Variants in RUNDC3A observed in about 807,000 individuals in gnomAD.
RUNDC3A encodes the protein RUN domain containing 3A.
Under a neutral mutation model 53.9 loss-of-function variants are expected in RUNDC3A, and 28 were observed. That is an observed-to-expected ratio of 0.52 (90% CI 0.38 to 0.71). The LOEUF is 0.71. RUNDC3A is among the 30% of genes least tolerant of loss of function. RUNDC3A has a pLI of 0.00. For synonymous variants in RUNDC3A, 232 were observed against 249.4 expected, an observed-to-expected ratio of 0.93 and a Z score of 0.66; for missense variants, 491 against 597.3, an observed-to-expected ratio of 0.82 and a Z score of 1.85.
intron 1 of RUNDC3A, 62 bp downstream of exon 1, chr17:44,309,001 G>A: frequency 8.3e-7 from 1 of 1,199,134 alleles, no homozygotes; most frequent in Non-Finnish European, 1.2e-6. Flanking sequence ...GTGGACTGCG[G>A]AAACCCGGAC....
Position 44,315,498 on chromosome 17 carries a change from A to G in RUNDC3A, c.842A>G (p.Asp281Gly). The change falls in exon 8 of 11, where the codon GAC (aspartate) becomes GGC (glycine). Residue 281 changes from aspartate to glycine, a missense_variant. Asp to Gly is a moderately conservative substitution (Grantham distance 94). Coordinates refer to ENST00000426726, the MANE Select transcript of RUNDC3A (RefSeq NM_001144825.2). The surrounding 1 kb of genome is among the most constrained non-coding windows in gnomAD (Gnocchi z 6.1). ...LVRLRESQLK[D>G]LEAENRRLQL... ...CGTCTGCGCGAGTCGCAGCTGAAGG[A>G]CCTGGAGGCGGAGAACCGGCGGCTT... is the stretch of plus-strand genomic sequence containing the variant. 6.6e-7 allele frequency: 1 copy of G among 1,517,294 alleles called. No individual in the cohort carries two copies. 94.0% of individuals were successfully genotyped at this position (1,517,294 alleles called of 1,614,324 possible).
chr17:44,311,112 AG>A (rs375190099), intron 1 of RUNDC3A: 2 of 985,614 alleles, frequency 2.0e-6, no homozygotes, highest in African/African-American at 1.7e-5. Context: ...TGAATCCAGC[AG>A]GCTGCCTCCC....
chr17:44,312,619 G>A lies in RUNDC3A; in HGVS notation c.147G>A (p.Glu49=), dbSNP rs769884244. Residue 49 remains glutamate (E), a synonymous_variant, in exon 2 of 11, where the codon GAG becomes GAA. Transcript: ENST00000426726. Reference sequence around the variant, plus strand: ...CGCTGCTGGAGAAGTACACAGCGGAGCCCATCGATGACTCATCGGAGGAGT... The same window carrying A: ...CGCTGCTGGAGAAGTACACAGCGGAACCCATCGATGACTCATCGGAGGAGT... ...VKTLLEKYTA[E]PIDDSSEEFV... 91 of 1,583,636 alleles carry A rather than the reference G, an allele frequency of 5.7e-5. No homozygotes were observed. The highest frequency in any genetic ancestry group is 7.5e-5 in the Non-Finnish European group (87 of 1,165,308).
chr17:44,308,963 G>T (rs771021793), intron 1 of RUNDC3A, 24 bp downstream of exon 1: 2 of 1,544,642 alleles, frequency 1.3e-6, no homozygotes, highest in South Asian at 2.3e-5. Flanking sequence ...GTGGGCGGGG[G>T]CTGGGGTGGT....
rs868065055 is a variant in RUNDC3A at position 44,315,180 on chromosome 17, G to A, written c.655G>A (p.Glu219Lys). The A allele has an allele frequency of 6.4e-7, 1 of 1,564,278 alleles. No homozygotes were observed. Among genetic ancestry groups the A allele is most frequent in the Non-Finnish European group, 8.7e-7 (1 of 1,154,214 alleles). ...QSYDYLTDEEERHSAESSTSE... is the reference protein window; with the variant it reads ...QSYDYLTDEEKRHSAESSTSE... ...CTACGACTACCTGACGGACGAGGAGGAGCGGCACAGCGCCGAGAGCAGCAC... is the reference window on the plus strand; with the variant it reads ...CTACGACTACCTGACGGACGAGGAGAAGCGGCACAGCGCCGAGAGCAGCAC... Residue 219 changes from glutamate (E) to lysine (K), a missense_variant, in exon 7 of 11, where the codon GAG (glutamate) becomes AAG (lysine). Physicochemically the swap from Glu to Lys is moderately conservative, Grantham distance 56 (BLOSUM62 1). Around this residue, in one of 2 missense-constraint regions of RUNDC3A, gnomAD observed 273 missense variants for 389.0 expected, o/e 0.70. Coordinates refer to ENST00000426726, the MANE Select transcript of RUNDC3A (RefSeq NM_001144825.2). This position sits in a 1 kb window ranked among gnomAD's most constrained non-coding sequence, Gnocchi z 6.1.
chr17:44,313,543 T>A, intron 4 of RUNDC3A, 40 bp downstream of exon 4: 1 of 1,587,398 alleles, frequency 6.3e-7, no homozygotes, highest in Non-Finnish European at 8.6e-7. Context: ...GGTCTCAGAG[T>A]GCACCTGCAT....
rs1429583820 is a variant in RUNDC3A, at chr17:44,312,772, C to T, written c.223+77C>T. 7.8e-6 allele frequency: 5 copies of T among 640,118 alleles called. No homozygotes were observed. The South Asian group carries it at 9.4e-5, about 12-fold the overall frequency. 39.7% of individuals were successfully genotyped at this position (640,118 alleles called of 1,614,324 possible). The stretch of plus-strand genomic sequence containing the variant: ...AGTGGTCCCTCCCCCAGCGCCCCTC[C>T]CCCAGCGGTCCCTCCCCAACTCCCA... On this transcript the variant is annotated intron_variant, in intron 2 of 10. Transcript: ENST00000426726.
intron 1 of RUNDC3A, among the ~76,000 whole-genome samples, chr17:44,310,516 G>C (rs1428494944): frequency 6.6e-6 from 1 of 152,162 alleles, no homozygotes; most frequent in Non-Finnish European, 1.5e-5. Flanking sequence ...GAGCTGGGAG[G>C]GAAGGATAGA....
In RUNDC3A at chr17:44,318,283, A is replaced by G. The variant is rs1230707626; in HGVS notation, c.*45A>G. The G allele has an allele frequency of 1.3e-6, 2 of 1,524,872 alleles. No individual in the cohort carries two copies. Among genetic ancestry groups the G allele is most frequent in the South Asian group, 2.4e-5 (2 of 83,428 alleles). The allele number at this position is 1,524,872 out of a possible 1,614,324, so 94.5% of individuals were successfully genotyped here. A position where few individuals can be genotyped will look rare whatever the true frequency, so the allele number is the denominator to read the frequency against. ...CAGCCCCACCTGCCAGGGGCCATGG[A>G]CACCTGCCACCTTTCTTCAACAAGA... On this transcript the variant is annotated 3_prime_UTR_variant, in exon 11 of 11. Coordinates refer to ENST00000426726, the MANE Select transcript of RUNDC3A (RefSeq NM_001144825.2).
intron 10 of RUNDC3A, 100 bp downstream of exon 10, chr17:44,316,825 T>A: frequency 1.6e-6 from 1 of 617,800 alleles, no homozygotes; most frequent in Non-Finnish European, 2.5e-6. Context: ...TTAGTCTTTT[T>A]TTTTTTTTTT....
chr17:44,317,728 G>T lies in RUNDC3A; in HGVS notation c.1199-368G>T. The T allele has an allele frequency of 4.9e-6, 3 of 616,864 alleles. No individual in the cohort carries two copies. In the South Asian group the frequency reaches 5.7e-5, roughly 12 times the overall value. 38.2% of individuals were successfully genotyped at this position (616,864 alleles called of 1,614,324 possible). A position where few individuals can be genotyped will look rare whatever the true frequency, so the allele number is the denominator to read the frequency against. ...CATCACACTGTGTTTGTGATTGTCTGTGTGTCTGTCTCCCCCACCAGACTG... is the reference window on the plus strand; with the variant it reads ...CATCACACTGTGTTTGTGATTGTCTTTGTGTCTGTCTCCCCCACCAGACTG... On this transcript the variant is annotated intron_variant, in intron 10 of 10. Coordinates refer to ENST00000426726, the MANE Select transcript of RUNDC3A (RefSeq NM_001144825.2).
At chr17:44,309,014 A>C in intron 1 of RUNDC3A, 75 bp downstream of exon 1, 2 of 1,018,330 alleles carry the variant, frequency 2.0e-6, no homozygotes, top group Middle Eastern at 2.3e-4. Context: ...ACCCGGACTG[A>C]GCGCTGCCGC....
At position 44,311,046 on chromosome 17, in the gene RUNDC3A, A is replaced by C; in HGVS notation, c.108-1534A>C. The stretch of plus-strand genomic sequence containing the variant: ...CGATTGTTCCCATTTGCATTTGACA[A>C]GAAGGGACTCACAGAGGGGCCCAAG... On this transcript the variant is annotated intron_variant, in intron 1 of 10. Transcript: ENST00000426726. 4.1e-6 allele frequency: 4 copies of C among 985,406 alleles called. No homozygotes were observed. In the South Asian group the frequency reaches 1.9e-4, roughly 46 times the overall value. 61.0% of individuals were successfully genotyped at this position (985,406 alleles called of 1,614,324 possible). A position where few individuals can be genotyped will look rare whatever the true frequency, so the allele number is the denominator to read the frequency against.
rs1415338847 is a variant in RUNDC3A at position 44,312,571 on chromosome 17, G to T, written c.108-9G>T. 2 of 1,532,774 alleles carry T rather than the reference G, an allele frequency of 1.3e-6. No individual in the cohort carries two copies. The highest frequency in any genetic ancestry group is 1.8e-6 in the Non-Finnish European group (2 of 1,129,366). The allele number at this position is 1,532,774 out of a possible 1,614,324, so 94.9% of individuals were successfully genotyped here. A position where few individuals can be genotyped will look rare whatever the true frequency, so the allele number is the denominator to read the frequency against. On this transcript the variant is annotated splice_polypyrimidine_tract_variant and intron_variant, in intron 1 of 10. Transcript: ENST00000426726. ...CCCCACTGCCCCATCTCCCCACCTC[G>T]CCGCCCAGGTTCTCTGTGAAAACGC...
chr17:44,316,572 GA>G, intron 9 of RUNDC3A, 46 bp from the exon 10 acceptor site: 1 of 1,581,648 alleles, frequency 6.3e-7, no homozygotes. Context: ...TCGTCCTGGG[GA>G]AGAAGGGCTT....
chr17:44,314,091 C>T (rs1213693531), intron 4 of RUNDC3A: 2 of 993,390 alleles, frequency 2.0e-6, no homozygotes, highest in East Asian at 1.1e-4. Flanking sequence ...CTCAGCCATG[C>T]ACCATCTCAA....
At chr17:44,312,842 C>T (rs2047777148) in intron 2 of RUNDC3A, 147 bp downstream of exon 2, 1 of 607,086 alleles carries the variant, frequency 1.6e-6, no homozygotes, top group Middle Eastern at 4.4e-4. Context: ...TCCATGGACT[C>T]TGAACCCCCT....
chr17:44,313,107 G>A lies in RUNDC3A; in HGVS notation c.227G>A (p.Cys76Tyr). 4 of 1,613,872 alleles carry A rather than the reference G, an allele frequency of 2.5e-6. No individual in the cohort carries two copies. Among genetic ancestry groups the A allele is most frequent in the East Asian group, 2.2e-5 (1 of 44,878 alleles). Residue 76 changes from cysteine to tyrosine, a missense_variant, in exon 3 of 11, where the codon TGT (cysteine) becomes TAT (tyrosine). By Grantham distance (194) the Cys-to-Tyr change is radical. Coordinates refer to ENST00000426726, the MANE Select transcript of RUNDC3A (RefSeq NM_001144825.2). ...EQILSHRFKA[C>Y]APAGPVSWFS... ...CCCCCTCCCTGCCCTGGCTCAGCCT[G>A]TGCCCCAGCAGGTCCAGTGAGCTGG...
In RUNDC3A at chr17:44,313,630, A is replaced by T. The variant is rs546695224; in HGVS notation, c.458+127A>T. On this transcript the variant is annotated intron_variant, in intron 4 of 10. Transcript: ENST00000426726. ...ACTACAAGTCCCAGCACCAGCACAC[A>T]TGGCTGATTTCCCTCTTCCAGCCTG... is the stretch of plus-strand genomic sequence containing the variant. 128 of 1,369,596 alleles carry T rather than the reference A, an allele frequency of 9.3e-5. No homozygotes were observed. The African/African-American group carries it at 1.8e-3, about 19-fold the overall frequency. The allele number at this position is 1,369,596 out of a possible 1,614,324, so 84.8% of individuals were successfully genotyped here.
Sources: gnomAD v4.1 joint callset for allele counts (sites outside exome capture counted in the v4.1 genomes callset) on GRCh38, gnomAD v4.1.1 for gene constraint, gnomAD v4.1.1 regional missense constraint, Gnocchi (gnomAD v3.1) non-coding constraint, MANE v1.5 for transcripts, NCBI Gene and HGNC (gene_info 2026-07-23, HGNC 2026-07-21) for gene names.